The following MTG1 variants were observed in gnomAD, a reference collection of about 807,000 sequenced individuals.
MTG1 encodes the protein mitochondrial ribosome associated GTPase 1.
In MTG1, 30 loss-of-function variants were observed where a neutral mutation model predicts 39.5. The ratio of observed to expected loss-of-function variants is 0.76; its 90% CI spans 0.57 to 1.03. The LOEUF (loss-of-function observed/expected upper bound fraction) is 1.03, where lower values mean the gene tolerates loss of function less well. Among genes scored for constraint, MTG1 ranks in the 50% least tolerant of loss-of-function variants. MTG1 has a pLI of 0.00. For missense variants in MTG1, 513 were observed against 447.4 expected, an observed-to-expected ratio of 1.15 and a Z score of -1.32; for synonymous variants, 217 against 179.0, an observed-to-expected ratio of 1.21 and a Z score of -1.69.
intron 9 of MTG1, among the ~76,000 whole-genome samples, chr10:133,406,383 T>G (rs2133502802): frequency 6.6e-6 from 1 of 152,052 alleles, no homozygotes; most frequent in Admixed American, 6.6e-5. Flanking sequence ...CCTCGAACTC[T>G]TGGGCTCAAG....
chr10:133,394,502 G>A (rs1849751564), intron 1 of MTG1, 170 bp downstream of exon 1: 2 of 1,341,996 alleles, frequency 1.5e-6, no homozygotes, highest in Non-Finnish European at 1.9e-6. Context: ...CGGAGCCGCC[G>A]GGACCCCTTC....
At chr10:133,401,177 A>G (rs1849869350) in intron 6 of MTG1, among the ~76,000 whole-genome samples, 1 of 152,168 alleles carries the variant, frequency 6.6e-6, no homozygotes. Context: ...GGAGCAGCTC[A>G]GGTCTGACCT....
chr10:133,418,270 G>A (rs1043691395), intron 9 of MTG1, among the ~76,000 whole-genome samples: 4 of 152,354 alleles, frequency 2.6e-5, no homozygotes, highest in East Asian at 3.9e-4. Context: ...GCCTCCCAAA[G>A]TTCTGGGATT....
chr10:133,399,623 C>T lies in MTG1; in HGVS notation c.511+4C>T. On this transcript the variant is annotated splice_donor_region_variant and intron_variant, in intron 6 of 10. Transcript: ENST00000317502. ...CGGAGGCAGCACCTCAGGAAAGGTACTGGCGCGTGCGGCTGATCACCTCAG... is the reference window on the plus strand; with the variant it reads ...CGGAGGCAGCACCTCAGGAAAGGTATTGGCGCGTGCGGCTGATCACCTCAG... 5 of 1,613,384 alleles carry T rather than the reference C, an allele frequency of 3.1e-6. No individual in the cohort carries two copies. The highest frequency in any genetic ancestry group is 4.2e-6 in the Non-Finnish European group (5 of 1,179,734).
intron 9 of MTG1, among the ~76,000 whole-genome samples, chr10:133,417,879 A>G (rs1037855058): frequency 3.3e-5 from 5 of 152,274 alleles, no homozygotes; most frequent in Non-Finnish European, 7.3e-5. Flanking sequence ...AAAAGAGAAT[A>G]CAAACAAATG....
Position 133,420,121 on chromosome 10 carries a change from C to T in MTG1, c.961C>T (p.Leu321Phe). 1 of 1,613,276 alleles carries T rather than the reference C, an allele frequency of 6.2e-7. No individual in the cohort carries two copies. Among genetic ancestry groups the T allele is most frequent in the African/African-American group, 1.3e-5 (1 of 75,048 alleles). Reference protein sequence around the residue: ...RGLLGSVMLDLDVLRGHPPAE... With the variant: ...RGLLGSVMLDFDVLRGHPPAE... ...GCTGCTGGGTTCCGTGATGCTGGAC[C>T]TCGACGTCCTGCGGGGCCACCCCCC... Residue 321 changes from leucine (L) to phenylalanine (F), a missense_variant, in exon 11 of 11, where the codon CTC (leucine) becomes TTC (phenylalanine). Physicochemically the swap from Leu to Phe is conservative, Grantham distance 22 (BLOSUM62 0). Transcript: ENST00000317502.
intron 6 of MTG1, among the ~76,000 whole-genome samples, chr10:133,401,054 C>A (rs1290134143): frequency 1.3e-5 from 2 of 152,214 alleles, no homozygotes; most frequent in African/African-American, 4.8e-5. Context: ...CCTTGGGACA[C>A]ACCCTGAGCT....
intron 9 of MTG1, among the ~76,000 whole-genome samples, chr10:133,413,884 AT>A (rs1244443522): frequency 6.6e-6 from 1 of 151,182 alleles, no homozygotes; most frequent in Non-Finnish European, 1.5e-5. Flanking sequence ...TCAGTTTACC[AT>A]CCACACCTTC....
At chr10:133,414,071 A>G (rs991910814) in intron 9 of MTG1, among the ~76,000 whole-genome samples, 3 of 149,464 alleles carry the variant, frequency 2.0e-5, no homozygotes, top group African/African-American at 5.0e-5. Context: ...GACCTTCCGC[A>G]GTGTTTGTGT....
Position 133,419,488 on chromosome 10 carries a change from A to G in MTG1, c.761A>G (p.Gln254Arg), listed in dbSNP as rs777043633. The change falls in exon 10 of 11, where the codon CAG becomes CGG. Residue 254 changes from glutamine (Q) to arginine (R), a missense_variant. Gln to Arg is a conservative substitution (Grantham distance 43). Transcript: ENST00000317502. ...CTGCAGCCTATGTGCAGGTACGTGCAGCACTACGGCCTGGGCAGTGCCTGT... is the reference window on the plus strand; with the variant it reads ...CTGCAGCCTATGTGCAGGTACGTGCGGCACTACGGCCTGGGCAGTGCCTGT... ...LNKHQRFGYVQHYGLGSACDN... is the reference protein window; with the variant it reads ...LNKHQRFGYVRHYGLGSACDN... 6.3e-7 allele frequency: 1 copy of G among 1,599,010 alleles called. No homozygotes were observed. Among genetic ancestry groups the G allele is most frequent in the South Asian group, 1.1e-5 (1 of 88,436 alleles).
At chr10:133,410,972 C>T (rs543919055) in intron 9 of MTG1, among the ~76,000 whole-genome samples, 5 of 152,102 alleles carry the variant, frequency 3.3e-5, no homozygotes, top group African/African-American at 1.2e-4. Context: ...ATACATTTTT[C>T]TTTTAGTCTT....
intron 9 of MTG1, among the ~76,000 whole-genome samples, chr10:133,406,266 C>A (rs1190188358): frequency 6.6e-6 from 1 of 152,082 alleles, no homozygotes; most frequent in Non-Finnish European, 1.5e-5. Flanking sequence ...ATATTTTCTC[C>A]TATTCTGTAG....
intron 9 of MTG1, among the ~76,000 whole-genome samples, chr10:133,418,636 C>G (rs943958937): frequency 5.3e-5 from 8 of 152,068 alleles, no homozygotes; most frequent in African/African-American, 1.7e-4. Flanking sequence ...TCTTGCTTTG[C>G]TGGGCCTTGG....
At chr10:133,401,881 C>A in intron 7 of MTG1, 1 of 607,482 alleles carries the variant, frequency 1.6e-6, no homozygotes, top group Non-Finnish European at 2.9e-6. Flanking sequence ...GCGCCCCCCG[C>A]CCCACCCTCC....
Position 133,402,818 on chromosome 10 carries a change from C to A in MTG1, c.752+45C>A. The A allele has an allele frequency of 1.0e-5, 14 of 1,337,966 alleles. No homozygotes were observed. Among genetic ancestry groups the A allele is most frequent in the East Asian group, 2.5e-5 (1 of 40,778 alleles). The allele number at this position is 1,337,966 out of a possible 1,614,324, so 82.9% of individuals were successfully genotyped here. A position where few individuals can be genotyped will look rare whatever the true frequency, so the allele number is the denominator to read the frequency against. Reference sequence around the variant, plus strand: ...GGCAGCTGGGGCCCCTCCTCCTAGTCACCTCATTTAAAAAAAAAAAACAAA... The same window carrying A: ...GGCAGCTGGGGCCCCTCCTCCTAGTAACCTCATTTAAAAAAAAAAAACAAA... On this transcript the variant is annotated intron_variant, in intron 9 of 10. Transcript: ENST00000317502. This position sits in a 1 kb window ranked among gnomAD's most constrained non-coding sequence, Gnocchi z 4.7.
In MTG1 at chr10:133,402,279, G is replaced by GGCTGGT. The variant is rs1564819847; in HGVS notation, c.670+34_670+35insGCTGGT. 1 of 1,611,422 alleles carries GGCTGGT rather than the reference G, an allele frequency of 6.2e-7. No homozygotes were observed. ...GGGCTGGGGCTGGGGCTGGGGCTGG[G>GGCTGGT]ACCGGGGCCCCTGCCACCCCACCTT... On this transcript the variant is annotated intron_variant, in intron 8 of 10. Transcript: ENST00000317502. The surrounding 1 kb of genome is among the most constrained non-coding windows in gnomAD (Gnocchi z 4.7).
intron 6 of MTG1, 191 bp downstream of exon 6, chr10:133,399,810 CGTTCTGTGAAT>C (rs1037515008): frequency 1.0e-4 from 51 of 498,672 alleles, no homozygotes; most frequent in African/African-American, 9.0e-4. Flanking sequence ...GGGACCAGGT[CGTTCTGTGAAT>C]TTCACACTTA....
Position 133,402,310 on chromosome 10 carries a change from C to G in MTG1, c.670+65C>G. Reference sequence around the variant, plus strand: ...GGCCCCTGCCACCCCACCTTTAGGGCTGGCTTTGGCACAGGGCCCCTAGAC... The same window carrying G: ...GGCCCCTGCCACCCCACCTTTAGGGGTGGCTTTGGCACAGGGCCCCTAGAC... On this transcript the variant is annotated intron_variant, in intron 8 of 10. Coordinates refer to ENST00000317502, the MANE Select transcript of MTG1 (RefSeq NM_138384.4). This position sits in a 1 kb window ranked among gnomAD's most constrained non-coding sequence, Gnocchi z 4.7. 10 of 1,585,462 alleles carry G rather than the reference C, an allele frequency of 6.3e-6. No homozygotes were observed. Among genetic ancestry groups the G allele is most frequent in the Non-Finnish European group, 8.6e-6 (10 of 1,157,682 alleles).
chr10:133,403,470 C>T (rs1849917724), intron 9 of MTG1, among the ~76,000 whole-genome samples: 1 of 152,228 alleles, frequency 6.6e-6, no homozygotes, highest in African/African-American at 2.4e-5. Flanking sequence ...CCCAGGCAGC[C>T]GTCTACTGTC....
Sources: gnomAD v4.1 joint callset for allele counts (sites outside exome capture counted in the v4.1 genomes callset) on GRCh38, gnomAD v4.1.1 for gene constraint, Gnocchi (gnomAD v3.1) non-coding constraint, MANE v1.5 for transcripts, NCBI Gene and HGNC (gene_info 2026-07-23, HGNC 2026-07-21) for gene names.